SEMA3E: variants seen among roughly 807,000 people sequenced by gnomAD.
SEMA3E encodes the protein semaphorin 3E.
A neutral mutation model predicts 93.6 loss-of-function variants in SEMA3E; 49 were observed. The ratio of observed to expected loss-of-function variants is 0.52; its 90% CI spans 0.42 to 0.66. The LOEUF is 0.66. SEMA3E is among the 30% of genes least tolerant of loss of function. SEMA3E has a pLI of 0.00. For missense variants in SEMA3E, 906 were observed against 964.8 expected, an observed-to-expected ratio of 0.94 and a Z score of 0.81; for synonymous variants, 363 against 330.7, an observed-to-expected ratio of 1.10 and a Z score of -1.06.
chr7:83,442,923 T>G (rs1175316888), intron 4 of SEMA3E, among the ~76,000 whole-genome samples: 1 of 152,278 alleles, frequency 6.6e-6, no homozygotes, highest in Non-Finnish European at 1.5e-5. Context: ...TTCCAGTACA[T>G]TGTAGCAACT....
chr7:83,578,640 A>G (rs894671919), intron 1 of SEMA3E, among the ~76,000 whole-genome samples: 1 of 152,188 alleles, frequency 6.6e-6, no homozygotes, highest in African/African-American at 2.4e-5. Flanking sequence ...TTAAAAATTC[A>G]TAAAACAAAT....
intron 1 of SEMA3E, among the ~76,000 whole-genome samples, chr7:83,526,083 G>C (rs563927140): frequency 6.6e-6 from 1 of 152,050 alleles, no homozygotes; most frequent in African/African-American, 2.4e-5. Flanking sequence ...AAGAAGGCTA[G>C]GTGGCTCTCA....
In SEMA3E at chr7:83,392,541, G is replaced by C; in HGVS notation, c.1667+14C>G. On this transcript the variant is annotated intron_variant, in intron 14 of 16. Transcript: ENST00000643230. ...CTAAGCAAGGGAAATAGTTAATCAG[G>C]TAGCACGTCTCACCTTTTTGCATGT... The C allele has an allele frequency of 6.2e-7, 1 of 1,612,574 alleles. No individual in the cohort carries two copies. The highest frequency in any genetic ancestry group is 1.3e-5 in the African/African-American group (1 of 74,792).
At chr7:83,584,040 T>G (rs1195291132) in intron 1 of SEMA3E, among the ~76,000 whole-genome samples, 1 of 152,174 alleles carries the variant, frequency 6.6e-6, no homozygotes, top group Non-Finnish European at 1.5e-5. Flanking sequence ...AATTAGGTAA[T>G]AAATGTTCTT....
At chr7:83,509,206 A>G (rs1790763621) in intron 1 of SEMA3E, among the ~76,000 whole-genome samples, 1 of 152,230 alleles carries the variant, frequency 6.6e-6, no homozygotes, top group Non-Finnish European at 1.5e-5. Flanking sequence ...AACTAGATCT[A>G]GCATAAATAT....
chr7:83,479,311 C>T (rs1267142057), intron 2 of SEMA3E, among the ~76,000 whole-genome samples: 2 of 152,162 alleles, frequency 1.3e-5, no homozygotes, highest in African/African-American at 4.8e-5. Context: ...CCGAAACTTT[C>T]TTAGCATTTT....
chr7:83,486,278 G>A (rs533082653), intron 2 of SEMA3E, among the ~76,000 whole-genome samples: 6 of 152,176 alleles, frequency 3.9e-5, no homozygotes, highest in African/African-American at 1.4e-4. Context: ...GGTGCTACTG[G>A]CATTTTGTAG....
chr7:83,378,191 T>C (rs1187914023), intron 16 of SEMA3E, among the ~76,000 whole-genome samples: 1 of 151,986 alleles, frequency 6.6e-6, no homozygotes, highest in African/African-American at 2.4e-5. Context: ...AGAAGACCTT[T>C]GGAACTGCTA....
At chr7:83,580,227 C>G (rs1203783234) in intron 1 of SEMA3E, among the ~76,000 whole-genome samples, 1 of 151,952 alleles carries the variant, frequency 6.6e-6, no homozygotes, top group Non-Finnish European at 1.5e-5. Context: ...CTATTGCTTA[C>G]TTTTAAAATG....
intron 1 of SEMA3E, among the ~76,000 whole-genome samples, chr7:83,555,070 G>C (rs1400132847): frequency 2.6e-5 from 4 of 151,782 alleles, no homozygotes; most frequent in African/African-American, 9.7e-5. Context: ...TTAACTATAA[G>C]TGCAGGAATT....
intron 10 of SEMA3E, among the ~76,000 whole-genome samples, chr7:83,401,317 A>G (rs1473076780): frequency 6.6e-6 from 1 of 152,138 alleles, no homozygotes; most frequent in Non-Finnish European, 1.5e-5. Context: ...TCCACTTTAG[A>G]GTATAAATAC....
At position 83,408,436 on chromosome 7, in the gene SEMA3E, G is replaced by T; in HGVS notation, c.602C>A (p.Ala201Glu). ...LYSDYWSRDA[A>E]IFRSMGRLAH... ...CAGTCGCCCCATGCTGCGGAAGATCGCAGCGTCTCTGCTCCAGTAGTCACT... is the reference window on the plus strand; with the variant it reads ...CAGTCGCCCCATGCTGCGGAAGATCTCAGCGTCTCTGCTCCAGTAGTCACT... The change falls in exon 6 of 17, where the codon GCG becomes GAG. Residue 201 changes from alanine (A) to glutamate (E), a missense_variant. Coordinates refer to ENST00000643230, the MANE Select transcript of SEMA3E (RefSeq NM_012431.3). The T allele has an allele frequency of 6.2e-7, 1 of 1,613,732 alleles. No individual in the cohort carries two copies. The highest frequency in any genetic ancestry group is 8.5e-7 in the Non-Finnish European group (1 of 1,179,812).
chr7:83,486,926 C>T (rs1024455882), intron 2 of SEMA3E, among the ~76,000 whole-genome samples: 6 of 152,082 alleles, frequency 3.9e-5, no homozygotes, highest in South Asian at 4.1e-4. Context: ...GTATGGGGTA[C>T]TCAAATAGGT....
At position 83,454,272 on chromosome 7, in the gene SEMA3E, A is replaced by AATAT. The variant is rs71534491; in HGVS notation, c.456+12206_456+12209dup. ...GACTCCGACTCAAAAAAAAAAAAAA[A>AATAT]ATATATATATATATATATATATATA... On this transcript the variant is annotated intron_variant, in intron 4 of 16. Coordinates refer to ENST00000643230, the MANE Select transcript of SEMA3E (RefSeq NM_012431.3). 5.9e-4 allele frequency among the ~76,000 whole-genome samples: 65 copies of AATAT among 110,102 alleles called. 1 individual carries two copies. The highest frequency in any genetic ancestry group is 2.7e-3 in the African/African-American group (63 of 23,098). The allele number at this position is 110,102 out of a possible 152,430, so 72.2% of individuals were successfully genotyped here.
At position 83,437,016 on chromosome 7, in the gene SEMA3E, TATA is replaced by T. The variant is rs536902125; in HGVS notation, c.457-18536_457-18534del. Among the ~76,000 whole-genome samples the T allele has an allele frequency of 2.0e-4, 31 of 152,236 alleles. 1 individual carries two copies. The South Asian group carries it at 6.4e-3, about 32-fold the overall frequency. On this transcript the variant is annotated intron_variant, in intron 4 of 16. Coordinates refer to ENST00000643230, the MANE Select transcript of SEMA3E (RefSeq NM_012431.3). ...GAGCTTGTGCAGGAAAACTCACCCT[TATA>T]ATAACCGTCAGATCTCGTGAGACTT...
chr7:83,567,746 T>C (rs1400498411), intron 1 of SEMA3E, among the ~76,000 whole-genome samples: 1 of 151,986 alleles, frequency 6.6e-6, no homozygotes, highest in Non-Finnish European at 1.5e-5. Context: ...ACCTGTGGGA[T>C]AAAGCAAAAC....
intron 2 of SEMA3E, among the ~76,000 whole-genome samples, chr7:83,484,380 T>C (rs1790210203): frequency 1.3e-5 from 2 of 152,128 alleles, no homozygotes; most frequent in African/African-American, 2.4e-5. Context: ...TTCTCCTCAT[T>C]AATTGAATAT....
At chr7:83,408,202 ATATAT>A (rs1788363442) in intron 6 of SEMA3E, among the ~76,000 whole-genome samples, 161 bp downstream of exon 6, 4 of 152,252 alleles carry the variant, frequency 2.6e-5, no homozygotes, top group African/African-American at 7.2e-5. Context: ...AATGATGTAC[ATATAT>A]TATATACAAT....
intron 2 of SEMA3E, among the ~76,000 whole-genome samples, chr7:83,481,679 G>A (rs1790148628): frequency 6.6e-6 from 1 of 152,132 alleles, no homozygotes; most frequent in African/African-American, 2.4e-5. Flanking sequence ...GTGCAACAGA[G>A]CAGAAGTTCA....
Sources: gnomAD v4.1 joint callset for allele counts (sites outside exome capture counted in the v4.1 genomes callset) on GRCh38, gnomAD v4.1.1 for gene constraint, MANE v1.5 for transcripts, NCBI Gene and HGNC (gene_info 2026-07-23, HGNC 2026-07-21) for gene names.